The following SETD4 variants were observed in gnomAD, a reference collection of about 807,000 sequenced individuals.
The protein encoded by SETD4 is SET domain-containing protein 4.
SETD4 carries 46 observed loss-of-function variants against 58.3 expected under a neutral mutation model. The ratio of observed to expected loss-of-function variants is 0.79; its 90% CI spans 0.62 to 1.01. The LOEUF (loss-of-function observed/expected upper bound fraction) is 1.01, where lower values mean the gene tolerates loss of function less well. SETD4 is among the 50% of genes least tolerant of loss of function. The pLI is 0.00. For missense variants in SETD4, 490 were observed against 523.3 expected, an observed-to-expected ratio of 0.94 and a Z score of 0.62; for synonymous variants, 190 against 202.6, an observed-to-expected ratio of 0.94 and a Z score of 0.53.
At chr21:36,060,108 T>C in intron 1 of SETD4, 1 of 985,578 alleles carries the variant, frequency 1.0e-6, no homozygotes, top group Non-Finnish European at 1.2e-6. Flanking sequence ...GCATCGGACC[T>C]CGGGCCTCAG....
intron 5 of SETD4, among the ~76,000 whole-genome samples, chr21:36,047,762 G>A (rs573644849): frequency 1.2e-4 from 18 of 146,820 alleles, no homozygotes; most frequent in African/African-American, 3.3e-4. Context: ...AGGCTGAGGC[G>A]AGTGGATCAC....
chr21:36,054,204 G>A (rs1457285876), intron 3 of SETD4, among the ~76,000 whole-genome samples: 1 of 152,184 alleles, frequency 6.6e-6, no homozygotes, highest in Non-Finnish European at 1.5e-5. Context: ...GTGAGCCAAG[G>A]CTCCGGCTGG....
At chr21:36,048,149 A>G (rs1169602765) in intron 5 of SETD4, among the ~76,000 whole-genome samples, 159 bp downstream of exon 5, 1 of 151,830 alleles carries the variant, frequency 6.6e-6, no homozygotes. Flanking sequence ...GGGAGGGCAA[A>G]CTTTCTAGAA....
intron 6 of SETD4, 26 bp from the exon 7 acceptor site, chr21:36,043,982 T>A (rs773830280): frequency 1.2e-6 from 2 of 1,609,122 alleles, no homozygotes; most frequent in South Asian, 2.2e-5. Context: ...GTTAAGGTAT[T>A]TTTTAAAGTA....
chr21:36,040,957 G>C (rs762936102), intron 8 of SETD4, among the ~76,000 whole-genome samples: 1 of 151,842 alleles, frequency 6.6e-6, no homozygotes, highest in Non-Finnish European at 1.5e-5. Flanking sequence ...TCAGGAGATC[G>C]AGACCATCCT....
chr21:36,055,164 T>C lies in SETD4; in HGVS notation c.170-1544A>G, dbSNP rs922887344. ...AGATTTTCTTCTACCTGGTTATCCT[T>C]CCAAAAACTTACGTGCTAATCTAAG... On this transcript the variant is annotated intron_variant, in intron 3 of 11. Coordinates refer to ENST00000332131, the MANE Select transcript of SETD4 (RefSeq NM_017438.5). Among the ~76,000 whole-genome samples, 2 of 152,328 alleles carry C rather than the reference T, an allele frequency of 1.3e-5. 1 individual carries two copies.
At chr21:36,037,710 T>TGG (rs2063849174) in intron 10 of SETD4, among the ~76,000 whole-genome samples, 1 of 149,508 alleles carries the variant, frequency 6.7e-6, no homozygotes, top group South Asian at 2.1e-4. Flanking sequence ...CCAGATGCGG[T>TGG]GGTTCAGGCC....
At position 36,051,238 on chromosome 21, in the gene SETD4, T is replaced by C. The variant is rs1189512558; in HGVS notation, c.207+2345A>G. On this transcript the variant is annotated intron_variant, in intron 4 of 11. Coordinates refer to ENST00000332131, the MANE Select transcript of SETD4 (RefSeq NM_017438.5). ...CTGGGTCCCCCAGCCAGCACTGCTGTTGACAACATAAGTGCAAGTTCCAGC... is the reference window on the plus strand; with the variant it reads ...CTGGGTCCCCCAGCCAGCACTGCTGCTGACAACATAAGTGCAAGTTCCAGC... The C allele has an allele frequency of 2.5e-6, 4 of 1,605,354 alleles. No individual in the cohort carries two copies. The African/African-American group carries it at 5.4e-5, about 21-fold the overall frequency.
intron 4 of SETD4, 33 bp downstream of exon 4, chr21:36,053,550 A>G (rs762252160): frequency 2.0e-5 from 33 of 1,612,772 alleles, no homozygotes; most frequent in Non-Finnish European, 1.7e-6. Context: ...CAAAATCTAC[A>G]TTGGGTTTCA....
At chr21:36,052,446 A>G (rs1473209070) in intron 4 of SETD4, among the ~76,000 whole-genome samples, 3 of 151,196 alleles carry the variant, frequency 2.0e-5, no homozygotes, top group African/African-American at 7.3e-5. Context: ...AATTTCAGCT[A>G]CTTCAGGAGG....
In SETD4 at chr21:36,053,457, A is replaced by C; in HGVS notation, c.207+126T>G. Reference sequence around the variant, plus strand: ...TCCTAGTTGATAGAACCATATTCAAATATATCTATTAGGTAAGTAAGAAAT... The same window carrying C: ...TCCTAGTTGATAGAACCATATTCAACTATATCTATTAGGTAAGTAAGAAAT... On this transcript the variant is annotated intron_variant, in intron 4 of 11. Coordinates refer to ENST00000332131, the MANE Select transcript of SETD4 (RefSeq NM_017438.5). 3 of 930,014 alleles carry C rather than the reference A, an allele frequency of 3.2e-6. No homozygotes were observed. The South Asian group carries it at 4.3e-5, about 13-fold the overall frequency. 57.6% of individuals were successfully genotyped at this position (930,014 alleles called of 1,614,324 possible). A position where few individuals can be genotyped will look rare whatever the true frequency, so the allele number is the denominator to read the frequency against.
intron 4 of SETD4, chr21:36,053,267 A>G: frequency 4.7e-6 from 2 of 421,544 alleles, no homozygotes; most frequent in Non-Finnish European, 8.6e-6. Context: ...TCCCTTAAGG[A>G]CATGAGAGAG....
chr21:36,053,398 A>G lies in SETD4; in HGVS notation c.207+185T>C, dbSNP rs566962510. 123 of 649,724 alleles carry G rather than the reference A, an allele frequency of 1.9e-4. No homozygotes were observed. In the East Asian group the frequency reaches 3.1e-3, roughly 16 times the overall value. 40.2% of individuals were successfully genotyped at this position (649,724 alleles called of 1,614,324 possible). A position where few individuals can be genotyped will look rare whatever the true frequency, so the allele number is the denominator to read the frequency against. ...ATTTCCATGCTGCTTAAGCACCTCA[A>G]TTTTGGGCTTGTCTTTTATTGCAAC... On this transcript the variant is annotated intron_variant, in intron 4 of 11. Coordinates refer to ENST00000332131, the MANE Select transcript of SETD4 (RefSeq NM_017438.5).
At chr21:36,048,728 T>TG (rs2064479406) in intron 4 of SETD4, among the ~76,000 whole-genome samples, 1 of 135,606 alleles carries the variant, frequency 7.4e-6, no homozygotes, top group Admixed American at 7.7e-5. Context: ...TTTTTTTTTT[T>TG]TTTTTTGAGA....
intron 4 of SETD4, 154 bp downstream of exon 4, chr21:36,053,429 T>C (rs1449395664): frequency 6.6e-6 from 5 of 758,406 alleles, no homozygotes; most frequent in Non-Finnish European, 6.6e-6. Context: ...GCAACAAACT[T>C]AATCCTAGTT....
chr21:36,054,403 C>T (rs2064874626), intron 3 of SETD4, among the ~76,000 whole-genome samples: 1 of 152,222 alleles, frequency 6.6e-6, no homozygotes. Flanking sequence ...ATAGGTATTA[C>T]ATGGTCATAA....
chr21:36,052,196 T>C (rs2064733621), intron 4 of SETD4, among the ~76,000 whole-genome samples: 1 of 152,134 alleles, frequency 6.6e-6, no homozygotes, highest in Non-Finnish European at 1.5e-5. Flanking sequence ...AAAGAAACTA[T>C]ACTTTCCTTT....
rs1180123247 is a variant in SETD4, at chr21:36,035,568, T to TG, written c.*424dup. On this transcript the variant is annotated 3_prime_UTR_variant, in exon 12 of 12. Coordinates refer to ENST00000332131, the MANE Select transcript of SETD4 (RefSeq NM_017438.5). ...TCAGTGCAGCCACACAGGGAAGGGCTGGCGTCTGGGCCACCCTGGCGGGGA... is the reference window on the plus strand; with the variant it reads ...TCAGTGCAGCCACACAGGGAAGGGCTGGGCGTCTGGGCCACCCTGGCGGGGA... 3 of 162,086 alleles carry TG rather than the reference T, an allele frequency of 1.9e-5. No homozygotes were observed. The highest frequency in any genetic ancestry group is 7.2e-5 in the African/African-American group (3 of 41,502). 10.0% of individuals were successfully genotyped at this position (162,086 alleles called of 1,614,324 possible).
chr21:36,050,865 A>G, intron 4 of SETD4: 1 of 1,610,974 alleles, frequency 6.2e-7, no homozygotes, highest in Non-Finnish European at 8.5e-7. Context: ...GGTTGGCACC[A>G]TGTTACATTG....
Sources: allele counts gnomAD v4.1 joint callset (sites outside exome capture counted in the v4.1 genomes callset), GRCh38; gene constraint gnomAD v4.1.1; transcripts MANE v1.5; gene names NCBI Gene and HGNC (gene_info 2026-07-23, HGNC 2026-07-21).